ANKRD6: variants seen among roughly 807,000 people sequenced by gnomAD.
The protein encoded by ANKRD6 is ankyrin repeat domain 6.
In ANKRD6, 56 loss-of-function variants were observed where a neutral mutation model predicts 82.3. The observed-to-expected ratio is 0.68, with a 90% CI of 0.55 to 0.85. ANKRD6 has a LOEUF of 0.85. Ranked by LOEUF, ANKRD6 falls within the 40% of genes least tolerant of loss-of-function variation. The pLI is 0.00. For synonymous variants in ANKRD6, 347 were observed against 352.1 expected (o/e 0.99, Z 0.16); for missense variants, 852 against 907.6 (o/e 0.94, Z 0.79).
intron 2 of ANKRD6, among the ~76,000 whole-genome samples, chr6:89,582,977 G>A (rs1792909035): frequency 6.6e-6 from 1 of 152,210 alleles, no homozygotes; most frequent in Non-Finnish European, 1.5e-5. Flanking sequence ...GCTGTCCTTG[G>A]AGACACAAAA....
At chr6:89,612,989 C>G (rs1337469147) in intron 6 of ANKRD6, among the ~76,000 whole-genome samples, 2 of 152,236 alleles carry the variant, frequency 1.3e-5, no homozygotes, top group East Asian at 3.9e-4. Flanking sequence ...GTAGACTCAT[C>G]TAATGCTCTG....
At chr6:89,597,891 CTG>C (rs528978378) in intron 3 of ANKRD6, among the ~76,000 whole-genome samples, 37 of 152,160 alleles carry the variant, frequency 2.4e-4, no homozygotes, top group Non-Finnish European at 4.6e-4. Context: ...TGCCTGTTCT[CTG>C]TGTATTTACC....
Position 89,623,972 on chromosome 6 carries a change from G to C in ANKRD6, c.1133G>C (p.Arg378Pro). 2 of 1,613,782 alleles carry C rather than the reference G, an allele frequency of 1.2e-6. No individual in the cohort carries two copies. The highest frequency in any genetic ancestry group is 1.7e-6 in the Non-Finnish European group (2 of 1,179,808). ...CACCCTAAAAAGAGGAACAGGCATC[G>C]GTGTTCATCCCCACCCCCACCCCAT... is the stretch of plus-strand genomic sequence containing the variant. The part of the protein sequence containing the change: ...HNHPKKRNRH[R>P]CSSPPPPHEF... The change falls in exon 12 of 16, where the codon CGG becomes CCG. Residue 378 changes from arginine to proline, a missense_variant. By Grantham distance (103) the Arg-to-Pro change is moderately radical (BLOSUM62 -2). Transcript: ENST00000339746.
At position 89,530,208 on chromosome 6, in the gene ANKRD6, C is replaced by T. The variant is rs959069119; in HGVS notation, c.-143-36626C>T. Among the ~76,000 whole-genome samples, 8 of 152,094 alleles carry T rather than the reference C, an allele frequency of 5.3e-5. No homozygotes were observed. In the South Asian group the frequency reaches 1.7e-3, roughly 32 times the overall value. The stretch of plus-strand genomic sequence containing the variant: ...AGGTTGAGGCTGCAGTGAGCTGTGA[C>T]TGTGCCACTACACTCCAGCCTGGGC... On this transcript the variant is annotated intron_variant, in intron 1 of 15. Coordinates refer to ENST00000339746, the MANE Select transcript of ANKRD6 (RefSeq NM_001242809.2).
intron 1 of ANKRD6, among the ~76,000 whole-genome samples, chr6:89,539,698 G>A (rs1453973126): frequency 1.3e-5 from 2 of 150,828 alleles, no homozygotes; most frequent in Non-Finnish European, 2.9e-5. Flanking sequence ...TGTAGTTATT[G>A]ACTATAGTCA....
In ANKRD6 at chr6:89,481,900, A is replaced by G. The variant is rs879817584; in HGVS notation, c.-144+48525A>G. ...ATGAAGCTTAACAAAGTCACATCCA[A>G]GTCTGCTTTGTACCCAGAACAGTGC... On this transcript the variant is annotated intron_variant, in intron 1 of 15. Coordinates refer to ENST00000339746, the MANE Select transcript of ANKRD6 (RefSeq NM_001242809.2). Among the ~76,000 whole-genome samples, 26 of 152,334 alleles carry G rather than the reference A, an allele frequency of 1.7e-4. 1 individual carries two copies. Among genetic ancestry groups the G allele is most frequent in the Admixed American group, 9.1e-4 (14 of 15,304 alleles).
At chr6:89,558,389 A>G (rs1386924472) in intron 1 of ANKRD6, among the ~76,000 whole-genome samples, 3 of 152,230 alleles carry the variant, frequency 2.0e-5, no homozygotes, top group Admixed American at 1.3e-4. Flanking sequence ...ATGGAATATT[A>G]TTCAGCACCA....
At chr6:89,544,455 C>A (rs1369923659) in intron 1 of ANKRD6, among the ~76,000 whole-genome samples, 1 of 152,232 alleles carries the variant, frequency 6.6e-6, no homozygotes, top group African/African-American at 2.4e-5. Context: ...GTGGCTCACG[C>A]CTGTAATCCC....
chr6:89,492,371 T>C (rs373869909), intron 1 of ANKRD6, among the ~76,000 whole-genome samples: 2 of 152,340 alleles, frequency 1.3e-5, no homozygotes, highest in South Asian at 4.1e-4. Flanking sequence ...TTCATTGTGC[T>C]GCCTCTTAGG....
At chr6:89,503,517 T>C (rs1779489364) in intron 1 of ANKRD6, among the ~76,000 whole-genome samples, 2 of 152,190 alleles carry the variant, frequency 1.3e-5, no homozygotes, top group Admixed American at 6.5e-5. Flanking sequence ...ACTATGTGTG[T>C]AGACGTGGGC....
At chr6:89,530,806 C>T (rs1487809252) in intron 1 of ANKRD6, among the ~76,000 whole-genome samples, 4 of 152,208 alleles carry the variant, frequency 2.6e-5, no homozygotes, top group Non-Finnish European at 5.9e-5. Flanking sequence ...GGAGAGGTTC[C>T]AGTAACAGCT....
intron 2 of ANKRD6, among the ~76,000 whole-genome samples, chr6:89,578,931 C>G (rs899773700): frequency 6.6e-6 from 1 of 152,184 alleles, no homozygotes; most frequent in Non-Finnish European, 1.5e-5. Flanking sequence ...TCCAGCACCT[C>G]CATAGTCCTT....
At chr6:89,526,445 C>G (rs901180612) in intron 1 of ANKRD6, among the ~76,000 whole-genome samples, 2 of 152,162 alleles carry the variant, frequency 1.3e-5, no homozygotes, top group Admixed American at 1.3e-4. Flanking sequence ...CACAGTAGTC[C>G]TGTTGGCAGG....
chr6:89,442,830 G>A (rs1380515404), intron 1 of ANKRD6, among the ~76,000 whole-genome samples: 3 of 152,226 alleles, frequency 2.0e-5, no homozygotes, highest in East Asian at 3.9e-4. Flanking sequence ...AAGTCTCATA[G>A]GTGGCCACCA....
rs1770171156 is a variant in ANKRD6, at chr6:89,433,205, A to C, written c.-314A>C. 1 of 151,394 alleles carries C rather than the reference A, an allele frequency of 6.6e-6. No homozygotes were observed. The highest frequency in any genetic ancestry group is 2.4e-5 in the African/African-American group (1 of 41,280). 9.4% of individuals were successfully genotyped at this position (151,394 alleles called of 1,614,324 possible). A position where few individuals can be genotyped will look rare whatever the true frequency, so the allele number is the denominator to read the frequency against. ...GGCTCGGCCACAGGTAACCCGCAGG[A>C]GCCGAGAGCGCTGCCTGGCGCGCGG... is the stretch of plus-strand genomic sequence containing the variant. On this transcript the variant is annotated 5_prime_UTR_variant, in exon 1 of 16. Coordinates refer to ENST00000339746, the MANE Select transcript of ANKRD6 (RefSeq NM_001242809.2). This position sits in a 1 kb window ranked among gnomAD's most constrained non-coding sequence, Gnocchi z 4.3.
rs1045864930 is a variant in ANKRD6, at chr6:89,598,194, T to G, written c.219+2180T>G. 45 of 985,292 alleles carry G rather than the reference T, an allele frequency of 4.6e-5. 1 individual carries two copies. The highest frequency in any genetic ancestry group is 3.6e-6 in the Non-Finnish European group (3 of 829,948). 61.0% of individuals were successfully genotyped at this position (985,292 alleles called of 1,614,324 possible). ...ATGAATTTCAACCTGTGGAAACCAG[T>G]TCTTTAGATTATGCAACTCCAGGAG... On this transcript the variant is annotated intron_variant, in intron 3 of 15. Transcript: ENST00000339746.
intron 1 of ANKRD6, among the ~76,000 whole-genome samples, chr6:89,479,870 A>G (rs1364445803): frequency 2.0e-5 from 3 of 152,202 alleles, no homozygotes; most frequent in Non-Finnish European, 4.4e-5. Context: ...ATTCTCAGTA[A>G]TAATCAAGTG....
chr6:89,632,387 A>T lies in ANKRD6; in HGVS notation c.*1383A>T, dbSNP rs1421734401. ...AAAAGAAAAATAATTCAGTAGATAT[A>T]TGTCACTGTTACCTGAATATGGAAT... On this transcript the variant is annotated 3_prime_UTR_variant, in exon 16 of 16. Transcript: ENST00000339746. 3 of 152,194 alleles carry T rather than the reference A, an allele frequency of 2.0e-5. No individual in the cohort carries two copies. In the East Asian group the frequency reaches 5.8e-4, roughly 29 times the overall value. The allele number at this position is 152,194 out of a possible 1,614,324, so 9.4% of individuals were successfully genotyped here. A position where few individuals can be genotyped will look rare whatever the true frequency, so the allele number is the denominator to read the frequency against.
intron 2 of ANKRD6, among the ~76,000 whole-genome samples, chr6:89,578,962 G>T (rs923922980): frequency 8.5e-5 from 13 of 152,160 alleles, no homozygotes; most frequent in African/African-American, 3.1e-4. Flanking sequence ...CACTATGCTG[G>T]CCACCCCTCA....
Sources: allele counts gnomAD v4.1 joint callset (sites outside exome capture counted in the v4.1 genomes callset), GRCh38; gene constraint gnomAD v4.1.1; non-coding constraint Gnocchi (gnomAD v3.1); transcripts MANE v1.5; gene names NCBI Gene and HGNC (gene_info 2026-07-23, HGNC 2026-07-21).